SGCG: variants seen among roughly 807,000 people sequenced by gnomAD.
SGCG encodes the protein sarcoglycan gamma, also known as gamma-sarcoglycan.
Under a neutral mutation model 29.3 loss-of-function variants are expected in SGCG, and 26 were observed. The ratio of observed to expected loss-of-function variants is 0.89; its 90% CI spans 0.65 to 1.23. The LOEUF (loss-of-function observed/expected upper bound fraction) is 1.23. Ranked by LOEUF, SGCG falls within the 50% of genes most tolerant of loss-of-function variation. The pLI is 0.00. For missense variants in SGCG, 353 were observed against 356.0 expected (o/e 0.99, Z 0.07); for synonymous variants, 145 against 129.7 (o/e 1.12, Z -0.80).
intron 2 of SGCG, among the ~76,000 whole-genome samples, chr13:23,223,629 A>C (rs568202025): frequency 6.6e-6 from 1 of 152,306 alleles, no homozygotes; most frequent in African/African-American, 2.4e-5. Context: ...TAGAGCATTG[A>C]CATAGCTTAT....
At chr13:23,181,833 T>C (rs1876747194) in intron 1 of SGCG, among the ~76,000 whole-genome samples, 1 of 152,192 alleles carries the variant, frequency 6.6e-6, no homozygotes, top group Non-Finnish European at 1.5e-5. Context: ...CGGAAAAATA[T>C]AACTCAGCTG....
chr13:23,257,629 T>G (rs1424309529), intron 4 of SGCG, among the ~76,000 whole-genome samples: 1 of 152,242 alleles, frequency 6.6e-6, no homozygotes, highest in African/African-American at 2.4e-5. Context: ...CCCATGCCTA[T>G]GTCCTGAATG....
intron 4 of SGCG, among the ~76,000 whole-genome samples, chr13:23,262,462 C>A (rs1238095093): frequency 2.0e-5 from 3 of 151,766 alleles, no homozygotes; most frequent in Admixed American, 6.6e-5. Context: ...CTATAACAAT[C>A]CTCAATATAT....
upstream of SGCG, among the ~76,000 whole-genome samples, chr13:23,177,875 G>A (rs944678437): frequency 3.2e-4 from 49 of 152,098 alleles, no homozygotes; most frequent in African/African-American, 1.1e-3. Flanking sequence ...CACCACGCCC[G>A]GCCTGTGAGC....
chr13:23,249,613 A>G (rs1355282953), intron 3 of SGCG, among the ~76,000 whole-genome samples: 1 of 152,230 alleles, frequency 6.6e-6, no homozygotes, highest in Non-Finnish European at 1.5e-5. Flanking sequence ...AAAAACGTAC[A>G]TGGTAAAATT....
rs71100168 is a variant in SGCG, at chr13:23,299,456, A to ATTT, written c.578+3983_578+3985dup. ...TATATATATATATATATATATATATATTTTTTTTTTTTTTTTAGTCGGAGT... is the reference window on the plus strand; with the variant it reads ...TATATATATATATATATATATATATATTTTTTTTTTTTTTTTTTTAGTCGGAGT... On this transcript the variant is annotated intron_variant, in intron 6 of 7. Coordinates refer to ENST00000218867, the MANE Select transcript of SGCG (RefSeq NM_000231.3). 1.9e-4 allele frequency among the ~76,000 whole-genome samples: 8 copies of ATTT among 41,546 alleles called. 2 individuals carry two copies. The highest frequency in any genetic ancestry group is 2.4e-4 in the Non-Finnish European group (5 of 20,850). 27.3% of individuals were successfully genotyped at this position (41,546 alleles called of 152,430 possible). A position where few individuals can be genotyped will look rare whatever the true frequency, so the allele number is the denominator to read the frequency against.
At chr13:23,277,549 G>T (rs1381240359) in intron 4 of SGCG, among the ~76,000 whole-genome samples, 1 of 152,014 alleles carries the variant, frequency 6.6e-6, no homozygotes, top group African/African-American at 2.4e-5. Flanking sequence ...AGAACACTTG[G>T]ATGACCATGT....
the SGCG span, among the ~76,000 whole-genome samples, chr13:23,166,939 A>T: frequency 6.6e-6 from 1 of 152,162 alleles, no homozygotes; most frequent in Non-Finnish European, 1.5e-5. Flanking sequence ...TTTTTATTTT[A>T]AAGTGTAAAA....
At chr13:23,172,350 C>A in the SGCG span, among the ~76,000 whole-genome samples, 21 of 152,190 alleles carry the variant, frequency 1.4e-4, no homozygotes, top group African/African-American at 4.8e-4. Flanking sequence ...TGACATATCT[C>A]AATATGTGTT....
At chr13:23,229,329 G>A (rs1185283705) in intron 2 of SGCG, among the ~76,000 whole-genome samples, 1 of 152,208 alleles carries the variant, frequency 6.6e-6, no homozygotes, top group Admixed American at 6.5e-5. Context: ...TGGGAGGATT[G>A]CTGGGCTGAA....
At chr13:23,221,920 A>G (rs866437082) in intron 2 of SGCG, among the ~76,000 whole-genome samples, 4 of 152,238 alleles carry the variant, frequency 2.6e-5, no homozygotes, top group Admixed American at 1.3e-4. Context: ...ACTGAAAGCC[A>G]TCGGAGACTT....
intron 5 of SGCG, among the ~76,000 whole-genome samples, chr13:23,283,427 C>T (rs1881381865): frequency 6.6e-6 from 1 of 152,184 alleles, no homozygotes; most frequent in Non-Finnish European, 1.5e-5. Context: ...TTATCAGAGA[C>T]TAGGAATGTA....
At chr13:23,167,279 T>G in the SGCG span, among the ~76,000 whole-genome samples, 2 of 152,226 alleles carry the variant, frequency 1.3e-5, no homozygotes, top group Admixed American at 1.3e-4. Context: ...ATGTGCCACA[T>G]TTTCTTTGTG....
chr13:23,178,519 C>T (rs1009716917), upstream of SGCG, among the ~76,000 whole-genome samples: 4 of 152,198 alleles, frequency 2.6e-5, no homozygotes, highest in African/African-American at 9.7e-5. Flanking sequence ...TAATCCATGA[C>T]TGCAGTTAGC....
At chr13:23,194,548 G>A (rs1877408325) in intron 1 of SGCG, among the ~76,000 whole-genome samples, 1 of 152,192 alleles carries the variant, frequency 6.6e-6, no homozygotes, top group Non-Finnish European at 1.5e-5. Context: ...AAGTGGCGGA[G>A]GGATGAATGT....
At chr13:23,313,741 CTG>C (rs1336757743) in intron 6 of SGCG, among the ~76,000 whole-genome samples, 9 of 152,186 alleles carry the variant, frequency 5.9e-5, no homozygotes, top group Non-Finnish European at 1.2e-4. Flanking sequence ...ATGGTTAGTA[CTG>C]AGTCTCAACT....
chr13:23,279,143 T>C (rs1881204179), intron 4 of SGCG, among the ~76,000 whole-genome samples: 2 of 152,188 alleles, frequency 1.3e-5, no homozygotes, highest in Non-Finnish European at 1.5e-5. Context: ...TTGATATAGG[T>C]TAACATATGT....
chr13:23,267,123 A>G lies in SGCG; in HGVS notation c.386-12236A>G, dbSNP rs140520061. ...TTTCTATTTCCAATAAGAAAAATCA[A>G]TTTTGTTAAACTTAAATATGAGACA... On this transcript the variant is annotated intron_variant, in intron 4 of 7. Coordinates refer to ENST00000218867, the MANE Select transcript of SGCG (RefSeq NM_000231.3). 8.5e-5 allele frequency among the ~76,000 whole-genome samples: 13 copies of G among 152,308 alleles called. No individual in the cohort carries two copies. In the East Asian group the frequency reaches 1.3e-3, roughly 16 times the overall value.
At chr13:23,248,322 T>C (rs1248636826) in intron 3 of SGCG, among the ~76,000 whole-genome samples, 1 of 152,202 alleles carries the variant, frequency 6.6e-6, no homozygotes, top group Non-Finnish European at 1.5e-5. Context: ...GGAGAGAACC[T>C]TGCTGTAATT....
Sources: allele counts gnomAD v4.1 joint callset (sites outside exome capture counted in the v4.1 genomes callset), GRCh38; gene constraint gnomAD v4.1.1; transcripts MANE v1.5; gene names NCBI Gene and HGNC (gene_info 2026-07-23, HGNC 2026-07-21).